The following ETV6 variants were observed in gnomAD, a reference collection of about 807,000 sequenced individuals.
ETV6 encodes the protein transcription factor ETV6.
In ETV6, 16 loss-of-function variants were observed where a neutral mutation model predicts 51.1. The observed-to-expected ratio is 0.31, with a 90% CI of 0.21 to 0.48. The LOEUF is 0.48. ETV6 is among the 20% of genes least tolerant of loss of function. The pLI is 0.99. For missense variants in ETV6, 458 were observed against 594.8 expected (o/e 0.77, Z 2.39); for synonymous variants, 240 against 224.1 (o/e 1.07, Z -0.64).
At chr12:11,675,373 C>T (rs943668816) in intron 1 of ETV6, among the ~76,000 whole-genome samples, 4 of 152,236 alleles carry the variant, frequency 2.6e-5, no homozygotes, top group Non-Finnish European at 5.9e-5. Flanking sequence ...TTACCTATCA[C>T]TGAGCAAGTG....
chr12:11,806,804 C>T (rs1445318102), intron 2 of ETV6, among the ~76,000 whole-genome samples: 2 of 152,152 alleles, frequency 1.3e-5, no homozygotes, highest in African/African-American at 4.8e-5. Flanking sequence ...TTGGCACTTA[C>T]GTACATGGTA....
intron 2 of ETV6, among the ~76,000 whole-genome samples, chr12:11,760,292 T>C (rs1418815845): frequency 6.6e-6 from 1 of 152,354 alleles, no homozygotes; most frequent in African/African-American, 2.4e-5. Flanking sequence ...TGGATACCAG[T>C]AGCTCTCAAA....
intron 7 of ETV6, 112 bp from the exon 8 acceptor site, chr12:11,890,829 T>C (rs1427612078): frequency 1.2e-6 from 1 of 820,296 alleles, no homozygotes; most frequent in Non-Finnish European, 2.1e-6. Context: ...GTTCAGTAGC[T>C]CTCCAGCTGT....
intron 1 of ETV6, among the ~76,000 whole-genome samples, chr12:11,706,386 G>T (rs1415475631): frequency 6.6e-6 from 1 of 152,210 alleles, no homozygotes; most frequent in African/African-American, 2.4e-5. Flanking sequence ...CTCTTCGCTG[G>T]AAGAGCCCAG....
At chr12:11,820,269 G>A (rs142146585) in intron 2 of ETV6, among the ~76,000 whole-genome samples, 1 of 152,306 alleles carries the variant, frequency 6.6e-6, no homozygotes, top group African/African-American at 2.4e-5. Flanking sequence ...TCTCCATCAT[G>A]TGCCGTAGCT....
chr12:11,712,720 A>G (rs1267194768), intron 1 of ETV6, among the ~76,000 whole-genome samples: 1 of 152,172 alleles, frequency 6.6e-6, no homozygotes, highest in Non-Finnish European at 1.5e-5. Context: ...ATGGAGGGCA[A>G]TCTGCTTCAC....
intron 2 of ETV6, among the ~76,000 whole-genome samples, chr12:11,756,617 A>C (rs1402878427): frequency 1.3e-5 from 2 of 152,194 alleles, no homozygotes; most frequent in African/African-American, 4.8e-5. Context: ...GCTGGGAGCA[A>C]AGGATACCTT....
At chr12:11,791,717 CATA>C (rs1477688550) in intron 2 of ETV6, among the ~76,000 whole-genome samples, 1 of 151,896 alleles carries the variant, frequency 6.6e-6, no homozygotes, top group African/African-American at 2.4e-5. Context: ...TATGTGAATA[CATA>C]ATAACTGACA....
At chr12:11,889,763 A>G (rs2239176) in intron 7 of ETV6, among the ~76,000 whole-genome samples, 58,167 of 152,136 alleles carry the variant, frequency 0.38, 11,304 homozygotes, top group Middle Eastern at 0.55. Context: ...CCCGATGAGC[A>G]GAGCAAAGGA....
intron 2 of ETV6, among the ~76,000 whole-genome samples, chr12:11,835,780 A>C (rs1946307133): frequency 6.6e-6 from 1 of 152,220 alleles, no homozygotes; most frequent in Non-Finnish European, 1.5e-5. Context: ...TGGATGTTCA[A>C]AACCAGTCTC....
At chr12:11,773,395 C>G (rs1017067331) in intron 2 of ETV6, among the ~76,000 whole-genome samples, 4 of 152,018 alleles carry the variant, frequency 2.6e-5, no homozygotes, top group African/African-American at 9.7e-5. Context: ...AATGCAAAAG[C>G]TCTTGACATG....
rs568596175 is a variant in ETV6, at chr12:11,835,490, G to C, written c.164-3650G>C. Among the ~76,000 whole-genome samples the C allele has an allele frequency of 1.3e-3, 192 of 152,294 alleles. 1 individual carries two copies. Among genetic ancestry groups the C allele is most frequent in the African/African-American group, 4.5e-3 (187 of 41,554 alleles). On this transcript the variant is annotated intron_variant, in intron 2 of 7. Transcript: ENST00000396373. ...CCCTCATTCTGCCCATGCAGCTTCT[G>C]TTCCATTTGCAGCTGTGAGCCGTGT...
chr12:11,888,256 C>CT (rs1253107408), intron 7 of ETV6, among the ~76,000 whole-genome samples: 1 of 152,162 alleles, frequency 6.6e-6, no homozygotes, highest in East Asian at 1.9e-4. Context: ...CCTACACCCT[C>CT]AAGGCTCAAC....
At chr12:11,650,556 A>G (rs977621792) in intron 1 of ETV6, among the ~76,000 whole-genome samples, 3 of 151,014 alleles carry the variant, frequency 2.0e-5, no homozygotes, top group Non-Finnish European at 4.4e-5. Flanking sequence ...ACTGAAATAT[A>G]ACTTTTGTTC....
chr12:11,875,637 G>A (rs2136560783), intron 5 of ETV6, among the ~76,000 whole-genome samples: 1 of 152,272 alleles, frequency 6.6e-6, no homozygotes, highest in East Asian at 1.9e-4. Context: ...AAGGTAGAAG[G>A]GCCTTTTACA....
At chr12:11,696,652 C>T (rs1037108212) in intron 1 of ETV6, among the ~76,000 whole-genome samples, 19 of 152,020 alleles carry the variant, frequency 1.2e-4, no homozygotes, top group African/African-American at 4.6e-4. Flanking sequence ...CCCATCTCAA[C>T]TAAAGATACA....
intron 7 of ETV6, among the ~76,000 whole-genome samples, chr12:11,886,590 G>T (rs1266095861): frequency 6.6e-6 from 1 of 152,162 alleles, no homozygotes; most frequent in African/African-American, 2.4e-5. Flanking sequence ...TACGTGATGA[G>T]TCATGATGTA....
chr12:11,735,646 G>C (rs1865690251), intron 1 of ETV6, among the ~76,000 whole-genome samples: 1 of 152,152 alleles, frequency 6.6e-6, no homozygotes, highest in African/African-American at 2.4e-5. Context: ...TGTTGCCCAG[G>C]CTGGAGTGCA....
intron 7 of ETV6, among the ~76,000 whole-genome samples, chr12:11,888,252 C>T (rs1947228622): frequency 6.6e-6 from 1 of 152,166 alleles, no homozygotes; most frequent in African/African-American, 2.4e-5. Context: ...AATACCTACA[C>T]CCTCAAGGCT....
Sources: allele counts gnomAD v4.1 joint callset (sites outside exome capture counted in the v4.1 genomes callset), GRCh38; gene constraint gnomAD v4.1.1; transcripts MANE v1.5; gene names NCBI Gene and HGNC (gene_info 2026-07-23, HGNC 2026-07-21).